Variants in GNG7 observed in about 807,000 individuals in gnomAD.
GNG7 encodes guanine nucleotide-binding protein G(I)/G(S)/G(O) subunit gamma-7.
A neutral mutation model predicts 4.0 loss-of-function variants in GNG7; 1 was observed. The observed-to-expected ratio is 0.25, with a 90% CI of 0.09 to 1.18. The LOEUF (loss-of-function observed/expected upper bound fraction) is 1.18, where lower values mean the gene tolerates loss of function less well. Ranked by LOEUF, GNG7 falls within the 50% of genes most tolerant of loss-of-function variation. GNG7 has a pLI of 0.50. For synonymous variants in GNG7, 34 were observed against 36.9 expected, an observed-to-expected ratio of 0.92 and a Z score of 0.29; for missense variants, 86 against 91.9, an observed-to-expected ratio of 0.94 and a Z score of 0.26.
chr19:2,553,449 A>G (rs150364226), intron 3 of GNG7, among the ~76,000 whole-genome samples: 78 of 147,678 alleles, frequency 5.3e-4, no homozygotes, highest in Non-Finnish European at 9.1e-4. Context: ...TATATATTAT[A>G]TGCAATATAT....
intron 2 of GNG7, among the ~76,000 whole-genome samples, chr19:2,569,466 G>A (rs1353487928): frequency 7.0e-4 from 107 of 152,188 alleles, no homozygotes; most frequent in East Asian, 3.9e-4. Context: ...TAGTAGAGAC[G>A]AGGGTTCACC....
intron 1 of GNG7, among the ~76,000 whole-genome samples, chr19:2,678,368 G>T: frequency 6.6e-6 from 1 of 152,200 alleles, no homozygotes; most frequent in East Asian, 1.9e-4. Context: ...AAATATAGTA[G>T]GTATTGTGGC....
chr19:2,524,671 AGT>A (rs1276518283), intron 3 of GNG7, among the ~76,000 whole-genome samples: 1 of 152,002 alleles, frequency 6.6e-6, no homozygotes, highest in African/African-American at 2.4e-5. Context: ...TCTGCATATG[AGT>A]GTGTGCATAG....
intron 1 of GNG7, among the ~76,000 whole-genome samples, chr19:2,667,683 G>A (rs1403472036): frequency 6.6e-6 from 1 of 152,176 alleles, no homozygotes; most frequent in Non-Finnish European, 1.5e-5. Flanking sequence ...GGGAGGCGGA[G>A]GCAGGCAGAT....
At chr19:2,538,256 A>G in intron 3 of GNG7, 1 of 456,692 alleles carries the variant, frequency 2.2e-6, no homozygotes, top group South Asian at 1.5e-5. Context: ...TGAGTGGCCC[A>G]GGTCAGTCTG....
At chr19:2,551,615 A>ATATGTATAAATATG in intron 3 of GNG7, among the ~76,000 whole-genome samples, 1 of 147,638 alleles carries the variant, frequency 6.8e-6, no homozygotes, top group African/African-American at 2.5e-5. Flanking sequence ...AAACAAATAT[A>ATATGTATAAATATG]TATTTATAAA....
intron 2 of GNG7, among the ~76,000 whole-genome samples, chr19:2,559,940 G>A (rs1344997769): frequency 6.6e-6 from 1 of 152,082 alleles, no homozygotes; most frequent in African/African-American, 2.4e-5. Context: ...GACACGAGAA[G>A]GGGCCTCAGC....
intron 3 of GNG7, among the ~76,000 whole-genome samples, chr19:2,534,306 G>A (rs925947918): frequency 2.0e-5 from 3 of 152,054 alleles, no homozygotes; most frequent in Non-Finnish European, 2.9e-5. Context: ...AGTGGCCTCC[G>A]CTCCACTCCC....
intron 1 of GNG7, among the ~76,000 whole-genome samples, chr19:2,661,696 G>A (rs1983185163): frequency 6.7e-6 from 1 of 148,486 alleles, no homozygotes; most frequent in Admixed American, 6.8e-5. Flanking sequence ...AAAAAAGGAA[G>A]GAAGGAAGGA....
In GNG7 at chr19:2,542,881, C is replaced by CTTT. The variant is rs60152060; in HGVS notation, c.-38+12265_-38+12267dup. 8.6e-3 allele frequency among the ~76,000 whole-genome samples: 1,023 copies of CTTT among 118,294 alleles called. 17 individuals carry two copies. Among genetic ancestry groups the CTTT allele is most frequent in the African/African-American group, 0.027 (813 of 30,196 alleles). 77.6% of individuals were successfully genotyped at this position (118,294 alleles called of 152,430 possible). A position where few individuals can be genotyped will look rare whatever the true frequency, so the allele number is the denominator to read the frequency against. On this transcript the variant is annotated intron_variant, in intron 3 of 4. Coordinates refer to ENST00000382159, the MANE Select transcript of GNG7 (RefSeq NM_052847.3). ...TGCACACATCATCTCTGCTGTTTTC[C>CTTT]TTTTTTTTTTTTTTTTTTGGTGGTT... is the stretch of plus-strand genomic sequence containing the variant.
intron 3 of GNG7, among the ~76,000 whole-genome samples, chr19:2,551,434 C>T (rs1037940659): frequency 1.2e-4 from 18 of 151,982 alleles, no homozygotes; most frequent in Admixed American, 9.8e-4. Context: ...TGAGGCCATG[C>T]GGCACTCACC....
At chr19:2,565,933 G>C (rs982976918) in intron 2 of GNG7, among the ~76,000 whole-genome samples, 1 of 152,132 alleles carries the variant, frequency 6.6e-6, no homozygotes, top group Non-Finnish European at 1.5e-5. Context: ...CAGGGCAGGC[G>C]GATCATCTGA....
chr19:2,661,326 AAGAAAG>A (rs1983167503), intron 1 of GNG7, among the ~76,000 whole-genome samples: 1 of 146,052 alleles, frequency 6.8e-6, no homozygotes, highest in African/African-American at 2.6e-5. Flanking sequence ...GAAAGAAAGA[AAGAAAG>A]AAAGAAAGAA....
intron 1 of GNG7, among the ~76,000 whole-genome samples, chr19:2,651,741 G>C (rs925726149): frequency 2.0e-5 from 3 of 151,280 alleles, no homozygotes; most frequent in South Asian, 4.2e-4. Flanking sequence ...AATTTTTGTA[G>C]TTTTTGTAGA....
rs57101652 is a variant in GNG7 at position 2,558,250 on chromosome 19, G to GTTTTT, written c.-77-3067_-77-3063dup. Among the ~76,000 whole-genome samples the GTTTTT allele has an allele frequency of 4.4e-3, 636 of 145,876 alleles. 6 individuals carry two copies. Among genetic ancestry groups the GTTTTT allele is most frequent in the South Asian group, 0.013 (61 of 4,614 alleles). On this transcript the variant is annotated intron_variant, in intron 2 of 4. Coordinates refer to ENST00000382159, the MANE Select transcript of GNG7 (RefSeq NM_052847.3). ...ACCGTGTTTTTTTGTTTTTGTTTTT[G>GTTTTT]TTTTTTTTTTGAGATAGGGTCTGTT...
intron 2 of GNG7, among the ~76,000 whole-genome samples, chr19:2,559,060 A>G (rs571353421): frequency 6.6e-6 from 1 of 152,178 alleles, no homozygotes; most frequent in East Asian, 1.9e-4. Flanking sequence ...TGGCCCCCCC[A>G]AAGTGCTGGG....
In GNG7 at chr19:2,518,425, T is replaced by A. The variant is rs191787953; in HGVS notation, c.81+2183A>T. ...GGAATGCTTTGAATGCTCAGGTCTG[T>A]CCTCAGCAGTCAGATTGCTGGAACA... On this transcript the variant is annotated intron_variant, in intron 4 of 4. Coordinates refer to ENST00000382159, the MANE Select transcript of GNG7 (RefSeq NM_052847.3). Among the ~76,000 whole-genome samples, 500 of 152,336 alleles carry A rather than the reference T, an allele frequency of 3.3e-3. 3 individuals carry two copies. Among genetic ancestry groups the A allele is most frequent in the African/African-American group, 0.011 (476 of 41,578 alleles).
chr19:2,553,894 T>C (rs577232942), intron 3 of GNG7, among the ~76,000 whole-genome samples: 87 of 144,770 alleles, frequency 6.0e-4, no homozygotes, highest in African/African-American at 2.2e-3. Flanking sequence ...ATATTCTATG[T>C]AATATTACAT....
At chr19:2,589,395 T>TTTTTAA (rs869236480) in intron 2 of GNG7, among the ~76,000 whole-genome samples, 8 of 113,126 alleles carry the variant, frequency 7.1e-5, no homozygotes, top group African/African-American at 2.4e-4. Flanking sequence ...TTTTTTTTTT[T>TTTTTAA]AAATAGCAGA....
Sources: gnomAD v4.1 joint callset for allele counts (sites outside exome capture counted in the v4.1 genomes callset) on GRCh38, gnomAD v4.1.1 for gene constraint, MANE v1.5 for transcripts, NCBI Gene and HGNC (gene_info 2026-07-23, HGNC 2026-07-21) for gene names.